Variants in CROCC2 observed in about 807,000 individuals in gnomAD.
CROCC2 encodes ciliary rootlet coiled-coil, rootletin family member 2, also known as ciliary rootlet coiled-coil protein 2.
In CROCC2, 163 loss-of-function variants were observed where a neutral mutation model predicts 177.6. The observed-to-expected ratio is 0.92, with a 90% CI of 0.81 to 1.05. CROCC2 has a LOEUF of 1.05. CROCC2 is among the 50% of genes least tolerant of loss of function. CROCC2 has a pLI of 0.00. For missense variants in CROCC2, 1,929 were observed against 1,797.8 expected (o/e 1.07, Z -1.32); for synonymous variants, 904 against 787.3 (o/e 1.15, Z -2.48).
At position 240,972,035 on chromosome 2, in the gene CROCC2, T is replaced by C. The variant is rs2059724518; in HGVS notation, c.4401+3773T>C. 6.6e-6 allele frequency among the ~76,000 whole-genome samples: 1 copy of C among 152,080 alleles called. No individual in the cohort carries two copies. Among genetic ancestry groups the C allele is most frequent in the African/African-American group, 2.4e-5 (1 of 41,446 alleles). On this transcript the variant is annotated intron_variant, in intron 27 of 31. Transcript: ENST00000690015. This position sits in a 1 kb window ranked among gnomAD's most constrained non-coding sequence, Gnocchi z 7.1. ...CCATCTTCTGGTGTGTGTCAGTAGC[T>C]CACTTCTCTGTTTAATTAGAGACTC... is the stretch of plus-strand genomic sequence containing the variant.
intron 27 of CROCC2, among the ~76,000 whole-genome samples, chr2:240,976,063 G>C (rs907686513): frequency 3.7e-4 from 56 of 152,358 alleles, no homozygotes; most frequent in African/African-American, 1.3e-3. Context: ...AGACCCCTGT[G>C]AGACTGCATC....
intron 1 of CROCC2, among the ~76,000 whole-genome samples, chr2:240,912,895 G>T (rs2059297254): frequency 6.6e-6 from 1 of 152,216 alleles, no homozygotes; most frequent in South Asian, 2.1e-4. Flanking sequence ...AAGGGACCAA[G>T]TCTAGGGTCC....
Position 240,933,264 on chromosome 2 carries a change from G to GAGAGGCTCT in CROCC2, c.1386_1394dup (p.Glu463_Leu465dup). 2 of 1,548,244 alleles carry GAGAGGCTCT rather than the reference G, an allele frequency of 1.3e-6. No individual in the cohort carries two copies. Among genetic ancestry groups the GAGAGGCTCT allele is most frequent in the South Asian group, 2.4e-5 (2 of 83,902 alleles). Reference sequence around the variant, plus strand: ...CGGGCTCGGGAGCAGGCACGGGAACGAGAGGCTCTTCGGGGCCAGCTGGAG... The same window carrying GAGAGGCTCT: ...CGGGCTCGGGAGCAGGCACGGGAACGAGAGGCTCTAGAGGCTCTTCGGGGCCAGCTGGAG... On this transcript the variant is annotated inframe_insertion, in exon 10 of 32. Transcript: ENST00000690015.
At chr2:240,991,164 C>A in intron 30 of CROCC2, 32 bp from the exon 31 acceptor site, 2 of 1,500,010 alleles carry the variant, frequency 1.3e-6, no homozygotes, top group South Asian at 1.3e-5. Context: ...TGCAGCCTGC[C>A]CACCTGACCT....
intron 25 of CROCC2, 150 bp downstream of exon 25, chr2:240,966,559 TG>T: frequency 2.5e-6 from 1 of 396,076 alleles, no homozygotes; most frequent in East Asian, 3.6e-5. Context: ...AGCACCACCA[TG>T]GCCCCCAAGC....
intron 14 of CROCC2, among the ~76,000 whole-genome samples, chr2:240,938,472 T>A (rs2059481369): frequency 6.6e-6 from 1 of 152,274 alleles, no homozygotes; most frequent in Admixed American, 6.5e-5. Flanking sequence ...AGCTTTTTAG[T>A]AAGTCTTGAA....
chr2:240,946,767 C>T (rs376897224), intron 15 of CROCC2, among the ~76,000 whole-genome samples: 43 of 152,328 alleles, frequency 2.8e-4, no homozygotes, highest in South Asian at 1.0e-3. Context: ...GGCCTGAGAG[C>T]GGCTGCCATG....
chr2:240,917,917 C>T lies in CROCC2; in HGVS notation c.79-809C>T, dbSNP rs2106452457. Among the ~76,000 whole-genome samples the T allele has an allele frequency of 6.6e-6, 1 of 152,290 alleles. No homozygotes were observed. The highest frequency in any genetic ancestry group is 1.5e-5 in the Non-Finnish European group (1 of 67,992). On this transcript the variant is annotated intron_variant, in intron 1 of 31. Transcript: ENST00000690015. This position sits in a 1 kb window ranked among gnomAD's most constrained non-coding sequence, Gnocchi z 4.9. ...GAGTCCCCTGCCCTGGGGTCCCGGC[C>T]CTCCCCAAGCTGTGCCCCTGCCCGG...
rs1297464280 is a variant in CROCC2, at chr2:240,958,614, G to A, written c.2944-687G>A. 2.3e-5 allele frequency: 23 copies of A among 984,840 alleles called. No individual in the cohort carries two copies. The highest frequency in any genetic ancestry group is 2.7e-5 in the Non-Finnish European group (22 of 829,534). The allele number at this position is 984,840 out of a possible 1,614,324, so 61.0% of individuals were successfully genotyped here. On this transcript the variant is annotated intron_variant, in intron 19 of 31. Coordinates refer to ENST00000690015, the MANE Select transcript of CROCC2 (RefSeq NM_001351305.2). The surrounding 1 kb of genome is among the most constrained non-coding windows in gnomAD (Gnocchi z 6.7). Reference sequence around the variant, plus strand: ...CCGCCTGCTGCTGCCTGGAGGCTTGGTCCAGTCCCCTGAACCCAGGGGTGC... The same window carrying A: ...CCGCCTGCTGCTGCCTGGAGGCTTGATCCAGTCCCCTGAACCCAGGGGTGC...
At chr2:240,941,092 T>C (rs1388795524) in intron 14 of CROCC2, among the ~76,000 whole-genome samples, 1 of 151,056 alleles carries the variant, frequency 6.6e-6, no homozygotes, top group Non-Finnish European at 1.5e-5. Flanking sequence ...TCACAATAGA[T>C]GCAAAAAAAA....
chr2:240,931,936 G>A (rs1170585668), intron 7 of CROCC2, among the ~76,000 whole-genome samples: 3 of 152,248 alleles, frequency 2.0e-5, no homozygotes, highest in African/African-American at 7.2e-5. Context: ...TCCTGGGAAG[G>A]AAGGAACAGT....
At position 240,922,537 on chromosome 2, in the gene CROCC2, A is replaced by G; in HGVS notation, c.382-2A>G. 1.4e-6 allele frequency: 1 copy of G among 694,920 alleles called. No individual in the cohort carries two copies. Among genetic ancestry groups the G allele is most frequent in the Non-Finnish European group, 2.7e-6 (1 of 371,414 alleles). 43.0% of individuals were successfully genotyped at this position (694,920 alleles called of 1,614,324 possible). Reference sequence around the variant, plus strand: ...ACCAGGTGGGCTATTGCTCCTCCCCAGCTGCAGGCCCGGCTGGAGACCACC... The same window carrying G: ...ACCAGGTGGGCTATTGCTCCTCCCCGGCTGCAGGCCCGGCTGGAGACCACC... On this transcript the variant is annotated splice_acceptor_variant, in intron 3 of 31. Coordinates refer to ENST00000690015, the MANE Select transcript of CROCC2 (RefSeq NM_001351305.2). LOFTEE classifies it high-confidence loss of function.
chr2:240,930,141 T>C, intron 5 of CROCC2, 25 bp from the exon 6 acceptor site: 2 of 537,550 alleles, frequency 3.7e-6, no homozygotes, highest in East Asian at 3.0e-5. Context: ...CAGCCTGAAG[T>C]AGACAGGAGG....
intron 1 of CROCC2, among the ~76,000 whole-genome samples, chr2:240,907,384 C>A (rs1363509523): frequency 6.6e-6 from 1 of 152,146 alleles, no homozygotes; most frequent in Non-Finnish European, 1.5e-5. Flanking sequence ...CTGCCGTCAC[C>A]TGCTGCTGAC....
intron 18 of CROCC2, among the ~76,000 whole-genome samples, chr2:240,951,518 A>G (rs1037143765): frequency 6.6e-6 from 1 of 152,106 alleles, no homozygotes; most frequent in Non-Finnish European, 1.5e-5. Flanking sequence ...CTTTCCACAC[A>G]TTTAGCTATC....
At chr2:240,929,079 A>G (rs2059411728) in intron 5 of CROCC2, among the ~76,000 whole-genome samples, 1 of 151,638 alleles carries the variant, frequency 6.6e-6, no homozygotes, top group Non-Finnish European at 1.5e-5. Context: ...ATGGACACAG[A>G]GGGATGTGTT....
At chr2:240,932,570 C>A in intron 8 of CROCC2, 132 bp from the exon 9 acceptor site, 3 of 689,864 alleles carry the variant, frequency 4.3e-6, no homozygotes, top group Non-Finnish European at 8.1e-6. Context: ...GAAGGTGTGG[C>A]CCCTCGCCTG....
In CROCC2 at chr2:240,972,508, C is replaced by T. The variant is rs188911856; in HGVS notation, c.4401+4246C>T. Among the ~76,000 whole-genome samples the T allele has an allele frequency of 4.5e-4, 68 of 152,224 alleles. No individual in the cohort carries two copies. Among genetic ancestry groups the T allele is most frequent in the African/African-American group, 1.6e-3 (68 of 41,528 alleles). On this transcript the variant is annotated intron_variant, in intron 27 of 31. Transcript: ENST00000690015. This position sits in a 1 kb window ranked among gnomAD's most constrained non-coding sequence, Gnocchi z 7.1. ...AGTACAGAGTTGCCTCCCCAACACC[C>T]CTGCAGCTCCCTCCAGCCCTCGCCC...
At position 240,958,488 on chromosome 2, in the gene CROCC2, C is replaced by G. The variant is rs1048656795; in HGVS notation, c.2944-813C>G. ...AGAATCCAGGTGGACAGGAGGGGCT[C>G]CAGAGATCTGGCACAGGGGCAGCCA... On this transcript the variant is annotated intron_variant, in intron 19 of 31. Coordinates refer to ENST00000690015, the MANE Select transcript of CROCC2 (RefSeq NM_001351305.2). The surrounding 1 kb of genome is among the most constrained non-coding windows in gnomAD (Gnocchi z 6.7). 29 of 827,144 alleles carry G rather than the reference C, an allele frequency of 3.5e-5. No individual in the cohort carries two copies. Among genetic ancestry groups the G allele is most frequent in the Non-Finnish European group, 4.2e-5 (29 of 685,162 alleles). 51.2% of individuals were successfully genotyped at this position (827,144 alleles called of 1,614,324 possible).
Sources: allele counts gnomAD v4.1 joint callset (sites outside exome capture counted in the v4.1 genomes callset), GRCh38; gene constraint gnomAD v4.1.1; non-coding constraint Gnocchi (gnomAD v3.1); transcripts MANE v1.5; gene names NCBI Gene and HGNC (gene_info 2026-07-23, HGNC 2026-07-21).